MXRA5: variants seen among roughly 807,000 people sequenced by gnomAD.
MXRA5 encodes the protein matrix remodeling associated 5.
In MXRA5, 41 loss-of-function variants were observed where a neutral mutation model predicts 112.5. The ratio of observed to expected loss-of-function variants is 0.36; its 90% CI spans 0.28 to 0.47. The LOEUF is 0.47. Among genes scored for constraint, MXRA5 ranks in the 20% least tolerant of loss-of-function variants. The pLI is 0.99. For missense variants in MXRA5, 2,150 were observed against 2,251.0 expected (o/e 0.96, Z 0.91); for synonymous variants, 862 against 900.8 (o/e 0.96, Z 0.77).
chrX:3,332,995 G>C (rs975209788), intron 2 of MXRA5, among the ~76,000 whole-genome samples: 6 of 110,943 alleles, frequency 5.4e-5, no homozygotes, highest in African/African-American at 1.6e-4. Context: ...TTCCACAGCA[G>C]AAACTGAGTT....
intron 2 of MXRA5, among the ~76,000 whole-genome samples, chrX:3,331,596 C>G (rs760465097): frequency 1.8e-5 from 2 of 112,430 alleles, no homozygotes; most frequent in East Asian, 5.6e-4. Context: ...GACACCAACA[C>G]TCTTATTTCC....
chrX:3,317,658 C>A lies in MXRA5; in HGVS notation c.6023G>T (p.Arg2008Leu), dbSNP rs1486427837. The change falls in exon 6 of 7, where the codon CGG becomes CTG. Residue 2008 changes from arginine (R) to leucine (L), a missense_variant. Around this residue, in one of 6 missense-constraint regions of MXRA5, gnomAD observed 1,485 missense variants for 1,471.6 expected, o/e 1.01. Transcript: ENST00000217939. ...GGACGCCTCCTTGATGGAAAGGGTC[C>A]GGTTTTCGTGCAGGGTGATGCGGCC... ...VEGRITLHEN[R>L]TLSIKEASFS... 2.5e-6 allele frequency: 3 copies of A among 1,204,711 alleles called. No homozygotes were observed. Among genetic ancestry groups the A allele is most frequent in the Non-Finnish European group, 1.1e-6 (1 of 890,692 alleles).
chrX:3,325,533 AATAC>A (rs1388234781), intron 4 of MXRA5, among the ~76,000 whole-genome samples: 1 of 105,327 alleles, frequency 9.5e-6, no homozygotes, highest in Non-Finnish European at 1.9e-5. Context: ...ATAGATATAT[AATAC>A]ATATATATTT....
rs940188602 is a variant in MXRA5 at position 3,346,624 on chromosome X, C to T, written c.-138G>A. 14 of 711,221 alleles carry T rather than the reference C, an allele frequency of 2.0e-5. No individual in the cohort carries two copies. The African/African-American group carries it at 2.6e-4, about 13-fold the overall frequency. The allele number at this position is 711,221 out of a possible 1,213,427, so 58.6% of individuals were successfully genotyped here. ...TGCCGGGGCCATGCCCTTCCCGGGG[C>T]CGGGGGTGAGGCAGCTCGGCTTCCC... On this transcript the variant is annotated 5_prime_UTR_variant, in exon 1 of 7. Coordinates refer to ENST00000217939, the MANE Select transcript of MXRA5 (RefSeq NM_015419.4).
At chrX:3,327,443 G>T (rs1195562461) in intron 4 of MXRA5, among the ~76,000 whole-genome samples, 1 of 112,291 alleles carries the variant, frequency 8.9e-6, no homozygotes, top group African/African-American at 3.2e-5. Context: ...GCCTCTACAT[G>T]AATGCCCTGA....
intron 1 of MXRA5, among the ~76,000 whole-genome samples, chrX:3,345,872 A>C (rs1282033717): frequency 8.9e-6 from 1 of 112,504 alleles, no homozygotes; most frequent in Non-Finnish European, 1.9e-5. Context: ...TGGCCCTGCG[A>C]GTCCCCGCCG....
chrX:3,326,493 A>G lies in MXRA5; in HGVS notation c.710-1518T>C, dbSNP rs185758224. ...ATATATAATCAATATGTATGTATCT[A>G]GGTAACTATATCTATATTTATAACT... On this transcript the variant is annotated intron_variant, in intron 4 of 6. Transcript: ENST00000217939. 1.5e-3 allele frequency among the ~76,000 whole-genome samples: 158 copies of G among 104,200 alleles called. 1 individual carries two copies. Among genetic ancestry groups the G allele is most frequent in the Admixed American group, 0.013 (120 of 9,226 alleles). The allele number at this position is 104,200 out of a possible 115,157, so 90.5% of individuals were successfully genotyped here.
At chrX:3,336,414 T>G (rs1278071788) in intron 2 of MXRA5, among the ~76,000 whole-genome samples, 1 of 112,161 alleles carries the variant, frequency 8.9e-6, no homozygotes, top group Admixed American at 9.5e-5. Context: ...CCATGAAAAC[T>G]GGTCCCTGGT....
chrX:3,329,413 A>G (rs11795670), intron 4 of MXRA5, among the ~76,000 whole-genome samples: 13 of 36,112 alleles, frequency 3.6e-4, no homozygotes, highest in Admixed American at 1.7e-3. Flanking sequence ...GAAGGAGAGA[A>G]AAGGAAGGAA....
chrX:3,328,746 A>AGGGG (rs1465701865), intron 4 of MXRA5, among the ~76,000 whole-genome samples: 1 of 103,714 alleles, frequency 9.6e-6, no homozygotes, highest in African/African-American at 3.5e-5. Flanking sequence ...GGCTTAGAGA[A>AGGGG]GGGGGAGAAA....
In MXRA5 at chrX:3,323,162, G is replaced by A. The variant is rs1242578790; in HGVS notation, c.2523C>T (p.Ser841=). 1.1e-5 allele frequency: 13 copies of A among 1,209,354 alleles called. No homozygotes were observed. In the Admixed American group the frequency reaches 2.8e-4, roughly 27 times the overall value. The change falls in exon 5 of 7, where the codon TCC becomes TCT. Residue 841 remains serine (S), a synonymous_variant. Coordinates refer to ENST00000217939, the MANE Select transcript of MXRA5 (RefSeq NM_015419.4). The stretch of plus-strand genomic sequence containing the variant: ...CACCAAGTAGAGGTACATCTGCTGA[G>A]GATTCTTCAGCACTGGTTACTGTCT... ...PVQTVTSAEE[S]SADVPLLGEE...
intron 6 of MXRA5, among the ~76,000 whole-genome samples, chrX:3,314,240 G>A (rs1458063303): frequency 8.9e-6 from 1 of 112,082 alleles, no homozygotes; most frequent in Non-Finnish European, 1.9e-5. Context: ...CTAGCTCAGG[G>A]TTTCTCAATC....
At chrX:3,339,536 G>A (rs750179733) in intron 2 of MXRA5, among the ~76,000 whole-genome samples, 2 of 111,428 alleles carry the variant, frequency 1.8e-5, no homozygotes, top group South Asian at 3.8e-4. Flanking sequence ...AAAGTGCTGG[G>A]ATTACAGGCA....
rs139223294 is a variant in MXRA5 at position 3,310,821 on chromosome X, C to T, written c.7382G>A (p.Arg2461Gln). The T allele has an allele frequency of 6.6e-6, 8 of 1,205,864 alleles. No individual in the cohort carries two copies. The highest frequency in any genetic ancestry group is 2.2e-5 in the Admixed American group (1 of 45,371). Residue 2461 changes from arginine to glutamine, a missense_variant, in exon 7 of 7, where the codon CGG becomes CAG. Transcript: ENST00000217939. ...TTCAGCTTTGCAGTCAATCAGTTTC[C>T]GACTGCCCCCGGCTGCTATCTCCCG... ...TVREIAAGGSRKLIDCKAEGI... is the reference protein window; with the variant it reads ...TVREIAAGGSQKLIDCKAEGI...
Position 3,310,384 on chromosome X carries a change from A to T in MXRA5, c.7819T>A (p.Ser2607Thr). 7 of 1,206,650 alleles carry T rather than the reference A, an allele frequency of 5.8e-6. No individual in the cohort carries two copies. Among genetic ancestry groups the T allele is most frequent in the Non-Finnish European group, 7.8e-6 (7 of 892,901 alleles). ...ADGMLHISGL[S>T]SVDAGAYRCV... The stretch of plus-strand genomic sequence containing the variant: ...CGGTAGGCCCCGGCGTCCACCGAGG[A>T]GAGACCGCTAATGTGTAGCATGCCG... Residue 2607 changes from serine to threonine, a missense_variant, in exon 7 of 7, where the codon TCC becomes ACC. Physicochemically the swap from Ser to Thr is moderately conservative, Grantham distance 58. Around this residue, in one of 6 missense-constraint regions of MXRA5, gnomAD observed 178 missense variants for 198.2 expected, o/e 0.90. Coordinates refer to ENST00000217939, the MANE Select transcript of MXRA5 (RefSeq NM_015419.4).
rs759821804 is a variant in MXRA5 at position 3,322,695 on chromosome X, G to C, written c.2990C>G (p.Thr997Ser). Residue 997 changes from threonine (T) to serine (S), a missense_variant, in exon 5 of 7, where the codon ACC becomes AGC. Coordinates refer to ENST00000217939, the MANE Select transcript of MXRA5 (RefSeq NM_015419.4). ...GGGGGTTGGAGTAAGGTGTGCAAAG[G>C]TGTCTTCTTTCATCTTATCCTCATC... ...QPDEDKMKEDTFAHLTPTPTI... is the reference protein window; with the variant it reads ...QPDEDKMKEDSFAHLTPTPTI... The C allele has an allele frequency of 8.3e-7, 1 of 1,211,478 alleles. No homozygotes were observed. Among genetic ancestry groups the C allele is most frequent in the Non-Finnish European group, 1.1e-6 (1 of 895,504 alleles).
At position 3,343,388 on chromosome X, in the gene MXRA5, T is replaced by C. The variant is rs185171617; in HGVS notation, c.188+258A>G. Among the ~76,000 whole-genome samples, 8 of 112,430 alleles carry C rather than the reference T, an allele frequency of 7.1e-5. No individual in the cohort carries two copies. In the Admixed American group the frequency reaches 7.6e-4, roughly 11 times the overall value. Reference sequence around the variant, plus strand: ...GGGAATTTCTCAACAAACTCTAAAGTTGTTCATGCTGCTCGTTAATAGACC... The same window carrying C: ...GGGAATTTCTCAACAAACTCTAAAGCTGTTCATGCTGCTCGTTAATAGACC... On this transcript the variant is annotated intron_variant, in intron 2 of 6. Coordinates refer to ENST00000217939, the MANE Select transcript of MXRA5 (RefSeq NM_015419.4).
chrX:3,320,173 C>T lies in MXRA5; in HGVS notation c.5512G>A (p.Ala1838Thr). 1 of 1,211,044 alleles carries T rather than the reference C, an allele frequency of 8.3e-7. No individual in the cohort carries two copies. The highest frequency in any genetic ancestry group is 1.1e-6 in the Non-Finnish European group (1 of 895,446). Residue 1838 changes from alanine (A) to threonine (T), a missense_variant, in exon 5 of 7, where the codon GCA becomes ACA. Coordinates refer to ENST00000217939, the MANE Select transcript of MXRA5 (RefSeq NM_015419.4). ...AATTTGGATGCAGGAGGTCCTCCTG[C>T]AAAGAACTTTGAGCTGCTCTGGTGG... ...SFHQSSSKFF[A>T]GGPPASKFWS...
chrX:3,321,174 C>A lies in MXRA5; in HGVS notation c.4511G>T (p.Gly1504Val). The A allele has an allele frequency of 8.3e-7, 1 of 1,211,533 alleles. No individual in the cohort carries two copies. Residue 1504 changes from glycine to valine, a missense_variant, in exon 5 of 7, where the codon GGA becomes GTA. Gly to Val is a moderately radical substitution (Grantham distance 109). Transcript: ENST00000217939. ...TGCTGGCTTAGTGGTGGTGGTTTGT[C>A]CCAAAGACATGAGAATTGTGGATGG... The part of the protein sequence containing the change: ...SSPSTILMSL[G>V]QTTTTKPALP...
Sources: allele counts gnomAD v4.1 joint callset (sites outside exome capture counted in the v4.1 genomes callset), GRCh38; gene constraint gnomAD v4.1.1; regional missense constraint gnomAD v4.1.1; transcripts MANE v1.5; gene names NCBI Gene and HGNC (gene_info 2026-07-23, HGNC 2026-07-21).